The following PPM1E variants were observed in gnomAD, a reference collection of about 807,000 sequenced individuals.
The protein encoded by PPM1E is protein phosphatase, Mg2+/Mn2+ dependent 1E.
A neutral mutation model predicts 65.9 loss-of-function variants in PPM1E; 20 were observed. The ratio of observed to expected loss-of-function variants is 0.30; its 90% CI spans 0.21 to 0.44. PPM1E has a LOEUF of 0.44. Ranked by LOEUF, PPM1E falls within the 20% of genes least tolerant of loss-of-function variation. PPM1E has a pLI of 1.00. For synonymous variants in PPM1E, 352 were observed against 374.9 expected (o/e 0.94, Z 0.70); for missense variants, 713 against 953.1 (o/e 0.75, Z 3.32).
chr17:58,770,896 C>T (rs555909518), intron 1 of PPM1E, among the ~76,000 whole-genome samples: 38 of 148,598 alleles, frequency 2.6e-4, no homozygotes, highest in Non-Finnish European at 2.8e-4. Context: ...CTCACTTTGT[C>T]GCCAGGCTGG....
intron 1 of PPM1E, among the ~76,000 whole-genome samples, chr17:58,891,603 A>G (rs1282466378): frequency 4.6e-5 from 7 of 152,034 alleles, no homozygotes; most frequent in Admixed American, 4.6e-4. Context: ...GATTACAGGC[A>G]TGAGCCAACG....
intron 1 of PPM1E, among the ~76,000 whole-genome samples, chr17:58,831,534 G>A (rs898169187): frequency 6.6e-6 from 1 of 152,152 alleles, no homozygotes; most frequent in Admixed American, 6.5e-5. Context: ...GCACTTGTTT[G>A]GTTGCATGGG....
intron 1 of PPM1E, among the ~76,000 whole-genome samples, chr17:58,847,703 A>G (rs372339541): frequency 3.3e-5 from 5 of 152,132 alleles, no homozygotes; most frequent in African/African-American, 1.2e-4. Context: ...GTCAGGTAGC[A>G]TGATGCCTCC....
At chr17:58,850,863 G>A (rs990730160) in intron 1 of PPM1E, among the ~76,000 whole-genome samples, 2 of 152,180 alleles carry the variant, frequency 1.3e-5, no homozygotes, top group African/African-American at 4.8e-5. Flanking sequence ...ATAATATCCT[G>A]AAGAGTGTTT....
chr17:58,770,385 G>T (rs2049925508), intron 1 of PPM1E, among the ~76,000 whole-genome samples: 1 of 152,028 alleles, frequency 6.6e-6, no homozygotes, highest in Non-Finnish European at 1.5e-5. Context: ...ATTGAGCTGG[G>T]CATGCTGGCA....
intron 1 of PPM1E, among the ~76,000 whole-genome samples, chr17:58,773,816 G>T (rs1366786715): frequency 6.6e-6 from 1 of 152,038 alleles, no homozygotes; most frequent in East Asian, 1.9e-4. Context: ...TCCTGCCCGC[G>T]CCTACTGAAT....
At chr17:58,813,284 C>A (rs2050387302) in intron 1 of PPM1E, among the ~76,000 whole-genome samples, 1 of 152,116 alleles carries the variant, frequency 6.6e-6, no homozygotes. Flanking sequence ...ACAATGGGAT[C>A]TTTTTAGCCT....
intron 1 of PPM1E, among the ~76,000 whole-genome samples, chr17:58,791,528 G>A (rs1459479699): frequency 1.3e-5 from 2 of 152,104 alleles, no homozygotes; most frequent in African/African-American, 4.8e-5. Context: ...AGAGAAGTCC[G>A]TAACTCCAAA....
chr17:58,979,903 T>C (rs1439714666), intron 6 of PPM1E, 71 bp from the exon 7 acceptor site: 19 of 1,204,018 alleles, frequency 1.6e-5, no homozygotes, highest in Non-Finnish European at 1.9e-5. Flanking sequence ...GTCATGGCAT[T>C]GGTCATAAAC....
intron 1 of PPM1E, among the ~76,000 whole-genome samples, chr17:58,776,573 TG>T (rs2049996704): frequency 6.6e-6 from 1 of 152,222 alleles, no homozygotes; most frequent in East Asian, 1.9e-4. Context: ...ATAAAATATT[TG>T]TCCTTGATCT....
chr17:58,929,814 A>ATATT (rs2051868996), intron 1 of PPM1E, among the ~76,000 whole-genome samples: 1 of 152,180 alleles, frequency 6.6e-6, no homozygotes, highest in African/African-American at 2.4e-5. Context: ...GCTGGATATA[A>ATATT]GTTTTCACAG....
chr17:58,900,762 C>A (rs1005633674), intron 1 of PPM1E, among the ~76,000 whole-genome samples: 3 of 152,032 alleles, frequency 2.0e-5, no homozygotes, highest in Non-Finnish European at 4.4e-5. Context: ...TTACAAACAA[C>A]GTTGCAATGA....
chr17:58,891,629 A>G (rs1187623027), intron 1 of PPM1E, among the ~76,000 whole-genome samples: 2 of 151,948 alleles, frequency 1.3e-5, no homozygotes, highest in Non-Finnish European at 2.9e-5. Context: ...GGCTGGATAT[A>G]TATCATTTTA....
intron 1 of PPM1E, among the ~76,000 whole-genome samples, chr17:58,841,960 G>T (rs1039129364): frequency 1.3e-5 from 2 of 152,058 alleles, no homozygotes; most frequent in African/African-American, 4.8e-5. Context: ...GCCCTCCTTG[G>T]CCTCCCAAAG....
intron 1 of PPM1E, among the ~76,000 whole-genome samples, chr17:58,808,083 C>G (rs2050332020): frequency 6.6e-6 from 1 of 152,138 alleles, no homozygotes; most frequent in African/African-American, 2.4e-5. Context: ...CTGTCCTTTC[C>G]CTACTGATTG....
At position 58,882,277 on chromosome 17, in the gene PPM1E, C is replaced by A. The variant is rs191159046; in HGVS notation, c.465-73372C>A. On this transcript the variant is annotated intron_variant, in intron 1 of 6. Coordinates refer to ENST00000308249, the MANE Select transcript of PPM1E (RefSeq NM_014906.5). ...TCCAGAAATCACTACTTTGATGTTT[C>A]ATTCAAAATCTTTTTCTGTTTATTT... Among the ~76,000 whole-genome samples, 403 of 152,238 alleles carry A rather than the reference C, an allele frequency of 2.6e-3. 3 individuals carry two copies. Among genetic ancestry groups the A allele is most frequent in the Middle Eastern group, 0.014 (4 of 294 alleles).
chr17:58,830,178 A>G (rs1350221638), intron 1 of PPM1E, among the ~76,000 whole-genome samples: 2 of 152,150 alleles, frequency 1.3e-5, no homozygotes, highest in Admixed American at 6.6e-5. Flanking sequence ...CTGTCTCTCT[A>G]AAAAAACAAA....
intron 1 of PPM1E, among the ~76,000 whole-genome samples, chr17:58,789,991 T>G (rs1342495801): frequency 6.6e-6 from 1 of 152,138 alleles, no homozygotes; most frequent in African/African-American, 2.4e-5. Context: ...TTTTATGCAT[T>G]TTTGAAATTT....
intron 1 of PPM1E, among the ~76,000 whole-genome samples, chr17:58,877,095 T>A (rs1303897301): frequency 1.3e-5 from 2 of 152,228 alleles, no homozygotes; most frequent in African/African-American, 4.8e-5. Flanking sequence ...ATGCGCATGT[T>A]AAATTAAATA....
Sources: gnomAD v4.1 joint callset for allele counts (sites outside exome capture counted in the v4.1 genomes callset) on GRCh38, gnomAD v4.1.1 for gene constraint, MANE v1.5 for transcripts, NCBI Gene and HGNC (gene_info 2026-07-23, HGNC 2026-07-21) for gene names.